The following RXFP1 variants were observed in gnomAD, a reference collection of about 807,000 sequenced individuals.
RXFP1 encodes relaxin family peptide receptor 1, also known as relaxin receptor 1.
In RXFP1, 73 loss-of-function variants were observed where a neutral mutation model predicts 89.8. The ratio of observed to expected loss-of-function variants is 0.81; its 90% CI spans 0.67 to 0.99. RXFP1 has a LOEUF of 0.99. Ranked by LOEUF, RXFP1 falls within the 50% of genes least tolerant of loss-of-function variation. The probability of loss-of-function intolerance (pLI) is 0.00; values close to 1 mark genes in which losing one functional copy is unlikely to be tolerated. For missense variants in RXFP1, 793 were observed against 895.5 expected (o/e 0.89, Z 1.46); for synonymous variants, 277 against 305.5 (o/e 0.91, Z 0.97).
chr4:158,628,631 C>T lies in RXFP1; in HGVS notation c.828-7C>T, dbSNP rs778826815. On this transcript the variant is annotated splice_region_variant and splice_polypyrimidine_tract_variant and intron_variant, in intron 10 of 17. Coordinates refer to ENST00000307765, the MANE Select transcript of RXFP1 (RefSeq NM_021634.4). ...AAGTTACAATGTATTTTTCTTTTTACTTTCAGAGTGATGAGGAAAAACAAA... is the reference window on the plus strand; with the variant it reads ...AAGTTACAATGTATTTTTCTTTTTATTTTCAGAGTGATGAGGAAAAACAAA... The T allele has an allele frequency of 2.8e-6, 4 of 1,449,812 alleles. No individual in the cohort carries two copies. Among genetic ancestry groups the T allele is most frequent in the South Asian group, 1.2e-5 (1 of 84,606 alleles). The allele number at this position is 1,449,812 out of a possible 1,614,324, so 89.8% of individuals were successfully genotyped here. A position where few individuals can be genotyped will look rare whatever the true frequency, so the allele number is the denominator to read the frequency against.
At chr4:158,567,012 T>G (rs1203499967) in intron 1 of RXFP1, among the ~76,000 whole-genome samples, 1 of 152,150 alleles carries the variant, frequency 6.6e-6, no homozygotes, top group African/African-American at 2.4e-5. Context: ...CGGGTGGGCA[T>G]GGGCTCTGTG....
At chr4:158,545,547 T>G (rs759611680) in intron 1 of RXFP1, among the ~76,000 whole-genome samples, 4 of 152,234 alleles carry the variant, frequency 2.6e-5, no homozygotes, top group Non-Finnish European at 5.9e-5. Flanking sequence ...TGAATGGTAT[T>G]GCCTAGGTTT....
At chr4:158,566,405 C>G (rs1035616835) in intron 1 of RXFP1, among the ~76,000 whole-genome samples, 2 of 151,760 alleles carry the variant, frequency 1.3e-5, no homozygotes, top group Non-Finnish European at 2.9e-5. Context: ...CTCTTGTTGC[C>G]GAGGCTGGAG....
intron 9 of RXFP1, among the ~76,000 whole-genome samples, chr4:158,625,217 T>C (rs182517360): frequency 4.6e-5 from 7 of 152,250 alleles, no homozygotes; most frequent in African/African-American, 1.4e-4. Context: ...AAAGTAGCAC[T>C]ATAAGTGATT....
chr4:158,578,773 T>C (rs1756756109), intron 2 of RXFP1, among the ~76,000 whole-genome samples: 1 of 152,032 alleles, frequency 6.6e-6, no homozygotes, highest in Non-Finnish European at 1.5e-5. Flanking sequence ...ACTCTTGTTC[T>C]TTAGCACTTT....
chr4:158,637,111 G>A (rs549745347), intron 12 of RXFP1, among the ~76,000 whole-genome samples: 1 of 152,264 alleles, frequency 6.6e-6, no homozygotes, highest in African/African-American at 2.4e-5. Context: ...ATTCTATTGT[G>A]TATGTATACA....
intron 2 of RXFP1, among the ~76,000 whole-genome samples, chr4:158,578,670 T>TC (rs1756734317): frequency 2.0e-5 from 3 of 152,134 alleles, no homozygotes; most frequent in Admixed American, 2.0e-4. Flanking sequence ...AAATAAGGGC[T>TC]CCCCCTCATG....
At position 158,646,958 on chromosome 4, in the gene RXFP1, T is replaced by A; in HGVS notation, c.1513T>A (p.Phe505Ile). The stretch of plus-strand genomic sequence containing the variant: ...AGAAGTATCAGTTTTACTGTTAACA[T>A]TTCTGACATTGGAAAAATACATCTG... ...STEVSVLLLT[F>I]LTLEKYICIV... The change falls in exon 16 of 18, where the codon TTT (phenylalanine) becomes ATT (isoleucine). Residue 505 changes from phenylalanine to isoleucine, a missense_variant. Coordinates refer to ENST00000307765, the MANE Select transcript of RXFP1 (RefSeq NM_021634.4). 8 of 1,614,192 alleles carry A rather than the reference T, an allele frequency of 5.0e-6. No individual in the cohort carries two copies. The highest frequency in any genetic ancestry group is 6.8e-6 in the Non-Finnish European group (8 of 1,180,026).
intron 4 of RXFP1, among the ~76,000 whole-genome samples, chr4:158,602,793 G>A (rs368237361): frequency 3.3e-5 from 5 of 151,866 alleles, no homozygotes; most frequent in East Asian, 3.9e-4. Flanking sequence ...TCACTCTGTC[G>A]CCCAGGCTAG....
At chr4:158,634,514 G>T (rs1036586383) in intron 12 of RXFP1, among the ~76,000 whole-genome samples, 2 of 152,082 alleles carry the variant, frequency 1.3e-5, no homozygotes, top group African/African-American at 4.8e-5. Flanking sequence ...ATGCACAAAA[G>T]TTTTTAATTT....
intron 1 of RXFP1, among the ~76,000 whole-genome samples, chr4:158,539,599 A>G (rs1470182375): frequency 1.3e-5 from 2 of 152,214 alleles, no homozygotes; most frequent in Admixed American, 1.3e-4. Flanking sequence ...GAAAAAAGGC[A>G]TATGTAATAC....
Position 158,612,111 on chromosome 4 carries a change from G to A in RXFP1, c.537-19G>A, listed in dbSNP as rs1763691204. 7.7e-6 allele frequency: 12 copies of A among 1,565,612 alleles called. No homozygotes were observed. Among genetic ancestry groups the A allele is most frequent in the Non-Finnish European group, 1.0e-5 (12 of 1,156,072 alleles). ...ATCAAAAATATACAAATTTATTGTA[G>A]TTATTTCTCCTTTTCCAGGTATCTC... is the stretch of plus-strand genomic sequence containing the variant. On this transcript the variant is annotated intron_variant, in intron 6 of 17. Coordinates refer to ENST00000307765, the MANE Select transcript of RXFP1 (RefSeq NM_021634.4).
At chr4:158,609,665 A>G (rs1338044100) in intron 6 of RXFP1, among the ~76,000 whole-genome samples, 2 of 152,164 alleles carry the variant, frequency 1.3e-5, no homozygotes, top group African/African-American at 2.4e-5. Context: ...GCAAAATGGA[A>G]GAAGACTGCA....
In RXFP1 at chr4:158,634,241, T is replaced by C. The variant is rs369967635; in HGVS notation, c.971+765T>C. Among the ~76,000 whole-genome samples the C allele has an allele frequency of 7.9e-5, 12 of 152,332 alleles. No homozygotes were observed. In the South Asian group the frequency reaches 2.5e-3, roughly 32 times the overall value. On this transcript the variant is annotated intron_variant, in intron 12 of 17. Coordinates refer to ENST00000307765, the MANE Select transcript of RXFP1 (RefSeq NM_021634.4). ...TAATGGATGTGAAATGGTATCTCACTGTGATTTTGTTTTGTGATTCCCAGT... is the reference window on the plus strand; with the variant it reads ...TAATGGATGTGAAATGGTATCTCACCGTGATTTTGTTTTGTGATTCCCAGT...
At chr4:158,640,314 G>A (rs755243530) in intron 14 of RXFP1, among the ~76,000 whole-genome samples, 1 of 152,192 alleles carries the variant, frequency 6.6e-6, no homozygotes, top group Non-Finnish European at 1.5e-5. Flanking sequence ...TGTATAGGGT[G>A]TGTTAGTCCA....
intron 5 of RXFP1, among the ~76,000 whole-genome samples, chr4:158,607,691 T>C (rs1762772274): frequency 6.6e-6 from 1 of 152,242 alleles, no homozygotes; most frequent in Non-Finnish European, 1.5e-5. Flanking sequence ...CCAGCCTAAT[T>C]GTACATAAAT....
intron 1 of RXFP1, among the ~76,000 whole-genome samples, chr4:158,566,957 C>T (rs1753699574): frequency 6.6e-6 from 1 of 152,218 alleles, no homozygotes; most frequent in South Asian, 2.1e-4. Flanking sequence ...GAGGGGCAGG[C>T]AGGAACCAGG....
intron 4 of RXFP1, among the ~76,000 whole-genome samples, chr4:158,600,826 C>CAA (rs35888310): frequency 6.9e-5 from 8 of 115,156 alleles, no homozygotes; most frequent in Admixed American, 2.6e-4. Context: ...GACCCTGCCT[C>CAA]AAAAAAAAAA....
At chr4:158,600,706 T>C (rs1050037696) in intron 4 of RXFP1, among the ~76,000 whole-genome samples, 1 of 151,854 alleles carries the variant, frequency 6.6e-6, no homozygotes, top group Non-Finnish European at 1.5e-5. Context: ...CCCACACCTG[T>C]AGTCTCAGCT....
Sources: gnomAD v4.1 joint callset for allele counts (sites outside exome capture counted in the v4.1 genomes callset) on GRCh38, gnomAD v4.1.1 for gene constraint, MANE v1.5 for transcripts, NCBI Gene and HGNC (gene_info 2026-07-23, HGNC 2026-07-21) for gene names.